POLA1: variants seen among roughly 807,000 people sequenced by gnomAD.
The protein encoded by POLA1 is DNA polymerase alpha 1, catalytic subunit, also known as DNA polymerase alpha catalytic subunit.
A neutral mutation model predicts 124.0 loss-of-function variants in POLA1; 15 were observed. The ratio of observed to expected loss-of-function variants is 0.12; its 90% CI spans 0.08 to 0.19. The LOEUF (loss-of-function observed/expected upper bound fraction) is 0.19. Among genes scored for constraint, POLA1 ranks in the 10% least tolerant of loss-of-function variants. The pLI, the probability that POLA1 is intolerant of heterozygous loss-of-function variation, is 1.00. For synonymous variants in POLA1, 408 were observed against 389.4 expected (o/e 1.05, Z -0.56); for missense variants, 886 against 1,103.4 (o/e 0.80, Z 2.79).
In POLA1 at chrX:24,843,622, A is replaced by G; in HGVS notation, c.3992A>G (p.Gln1331Arg). The G allele has an allele frequency of 8.5e-7, 1 of 1,182,848 alleles. No individual in the cohort carries two copies. The highest frequency in any genetic ancestry group is 1.8e-5 in the African/African-American group (1 of 57,120). The change falls in exon 34 of 37, where the codon CAA becomes CGA. Residue 1331 changes from glutamine to arginine, a missense_variant. This residue lies in a region of POLA1 where 313 missense variants were observed against 359.7 expected (regional missense o/e 0.87). Transcript: ENST00000379068. ...GCTTCACCTCTGACCTTTACAGTACAACTGAGCAACAAATTGATCATGGAC... is the reference window on the plus strand; with the variant it reads ...GCTTCACCTCTGACCTTTACAGTACGACTGAGCAACAAATTGATCATGGAC... ...CKASPLTFTVQLSNKLIMDIR... is the reference protein window; with the variant it reads ...CKASPLTFTVRLSNKLIMDIR...
chrX:24,912,812 C>T (rs138250257), intron 35 of POLA1, among the ~76,000 whole-genome samples: 142 of 111,613 alleles, frequency 1.3e-3, no homozygotes, highest in African/African-American at 4.3e-3. Flanking sequence ...GAAAAAGATA[C>T]GGCTCCACAC....
At chrX:24,873,809 T>A (rs1001374441) in intron 34 of POLA1, among the ~76,000 whole-genome samples, 4 of 111,992 alleles carry the variant, frequency 3.6e-5, no homozygotes, top group Non-Finnish European at 5.6e-5. Context: ...ATTTAAAAAA[T>A]TTTAAATTAA....
intron 24 of POLA1, among the ~76,000 whole-genome samples, chrX:24,747,889 C>T (rs1039768949): frequency 9.0e-6 from 1 of 110,837 alleles, no homozygotes; most frequent in Admixed American, 9.6e-5. Flanking sequence ...CGCCCGCCAC[C>T]GCGCCTGGCT....
At chrX:24,851,373 G>A (rs905090001) in intron 34 of POLA1, among the ~76,000 whole-genome samples, 2 of 112,622 alleles carry the variant, frequency 1.8e-5, no homozygotes, top group East Asian at 2.8e-4. Context: ...ACCCTAGTCC[G>A]GTATCCTGCC....
chrX:24,812,661 A>C lies in POLA1; in HGVS notation c.3094A>C (p.Lys1032Gln). ...EEVFKLGNKV[K>Q]SEVNKLYKLL... ...CTAATATTTGAAATTTTCACAGGTAAAAAGTGAAGTGAATAAGTTGTACAA... is the reference window on the plus strand; with the variant it reads ...CTAATATTTGAAATTTTCACAGGTACAAAGTGAAGTGAATAAGTTGTACAA... The change falls in exon 29 of 37, where the codon AAA (lysine) becomes CAA (glutamine). Residue 1032 changes from lysine to glutamine, a missense_variant. Lys to Gln is a moderately conservative substitution (Grantham distance 53). Transcript: ENST00000379068. 1 of 1,163,478 alleles carries C rather than the reference A, an allele frequency of 8.6e-7. No homozygotes were observed. The highest frequency in any genetic ancestry group is 1.2e-6 in the Non-Finnish European group (1 of 855,311).
intron 10 of POLA1, among the ~76,000 whole-genome samples, chrX:24,720,146 T>C (rs1298712433): frequency 3.6e-5 from 4 of 112,197 alleles, no homozygotes; most frequent in Non-Finnish European, 7.5e-5. Flanking sequence ...GTTCCTTTAC[T>C]CCTTGTTTTT....
intron 18 of POLA1, among the ~76,000 whole-genome samples, chrX:24,736,912 ATATT>A (rs1356338405): frequency 8.9e-6 from 1 of 112,209 alleles, no homozygotes; most frequent in Non-Finnish European, 1.9e-5. Flanking sequence ...AATAACAAGT[ATATT>A]TATTGATGTG....
chrX:24,900,591 T>C (rs1034025915), intron 35 of POLA1, among the ~76,000 whole-genome samples: 1 of 112,199 alleles, frequency 8.9e-6, no homozygotes, highest in Non-Finnish European at 1.9e-5. Context: ...TGGGGATGTA[T>C]AGTTCAGCAT....
At chrX:24,836,817 A>G (rs1177208642) in intron 32 of POLA1, among the ~76,000 whole-genome samples, 1 of 111,603 alleles carries the variant, frequency 9.0e-6, no homozygotes, top group African/African-American at 3.3e-5. Flanking sequence ...ATTTTTTCGG[A>G]TTTTGTAATA....
At chrX:24,834,734 G>A (rs745996563) in intron 32 of POLA1, among the ~76,000 whole-genome samples, 2 of 111,541 alleles carry the variant, frequency 1.8e-5, no homozygotes, top group Admixed American at 9.5e-5. Context: ...CCGAGATTGC[G>A]CCAGTGTCCT....
chrX:24,786,118 G>A (rs1343511791), intron 26 of POLA1, among the ~76,000 whole-genome samples: 2 of 112,165 alleles, frequency 1.8e-5, no homozygotes, highest in African/African-American at 6.5e-5. Flanking sequence ...ATCCCTCAGC[G>A]GACACTTAGG....
At chrX:24,770,761 T>C (rs899911940) in intron 26 of POLA1, among the ~76,000 whole-genome samples, 1 of 111,143 alleles carries the variant, frequency 9.0e-6, no homozygotes, top group African/African-American at 3.3e-5. Context: ...AGGTGACCGA[T>C]AACCTCTACA....
intron 21 of POLA1, 24 bp downstream of exon 21, chrX:24,741,528 A>T: frequency 8.5e-7 from 1 of 1,174,972 alleles, no homozygotes. Flanking sequence ...AGAAAGGGGG[A>T]AAAAGCATTT....
In POLA1 at chrX:24,814,957, GTT is replaced by G. The variant is rs749255466; in HGVS notation, c.3297-6_3297-5del. 6.9e-3 allele frequency: 5,686 copies of G among 823,351 alleles called. No individual in the cohort carries two copies. The highest frequency in any genetic ancestry group is 8.1e-3 in the East Asian group (185 of 22,752). 67.9% of individuals were successfully genotyped at this position (823,351 alleles called of 1,213,427 possible). A position where few individuals can be genotyped will look rare whatever the true frequency, so the allele number is the denominator to read the frequency against. ...AAAAATCAACTGCTGTCTTTGTTTTGTTTTTTTTTTTTTTTTTGCAGCTTTGT... is the reference window on the plus strand; with the variant it reads ...AAAAATCAACTGCTGTCTTTGTTTTGTTTTTTTTTTTTTTTGCAGCTTTGT... On this transcript the variant is annotated intron_variant, in intron 29 of 36. Coordinates refer to ENST00000379068, the MANE Select transcript of POLA1 (RefSeq NM_001330360.2).
chrX:24,974,185 A>AT (rs1157115238), intron 36 of POLA1, among the ~76,000 whole-genome samples: 2 of 110,990 alleles, frequency 1.8e-5, no homozygotes, highest in African/African-American at 6.6e-5. Flanking sequence ...CTCAACCAGG[A>AT]TGATTTTGCC....
chrX:24,934,872 G>T (rs1006090943), intron 36 of POLA1, among the ~76,000 whole-genome samples: 1 of 111,690 alleles, frequency 9.0e-6, no homozygotes, highest in Non-Finnish European at 1.9e-5. Flanking sequence ...ACAGGTGCAC[G>T]TCACCACGCC....
intron 26 of POLA1, among the ~76,000 whole-genome samples, chrX:24,784,733 C>A (rs2045332059): frequency 9.0e-6 from 1 of 111,668 alleles, no homozygotes; most frequent in South Asian, 3.8e-4. Context: ...ATTTTCTTAG[C>A]GCCTCCTAAG....
chrX:24,858,846 A>G (rs2046680972), intron 34 of POLA1, among the ~76,000 whole-genome samples: 1 of 112,316 alleles, frequency 8.9e-6, no homozygotes, highest in African/African-American at 3.2e-5. Context: ...AAAGTATTTA[A>G]AGTGCCTTCA....
intron 30 of POLA1, among the ~76,000 whole-genome samples, chrX:24,819,176 T>C (rs767913265): frequency 8.9e-6 from 1 of 112,388 alleles, no homozygotes; most frequent in African/African-American, 3.2e-5. Flanking sequence ...CCCTGAATTA[T>C]ACAGTATACT....
Sources: allele counts gnomAD v4.1 joint callset (sites outside exome capture counted in the v4.1 genomes callset), GRCh38; gene constraint gnomAD v4.1.1; regional missense constraint gnomAD v4.1.1; transcripts MANE v1.5; gene names NCBI Gene and HGNC (gene_info 2026-07-23, HGNC 2026-07-21).